EYS: variants seen among roughly 807,000 people sequenced by gnomAD.
EYS encodes the protein EGF-like photoreceptor maintenance factor.
A neutral mutation model predicts 282.1 loss-of-function variants in EYS; 250 were observed. That is an observed-to-expected ratio of 0.89 (90% CI 0.80 to 0.98). The LOEUF is 0.98. Ranked by LOEUF, EYS falls within the 50% of genes least tolerant of loss-of-function variation. EYS has a pLI of 0.00. For synonymous variants in EYS, 1,355 were observed against 1,282.9 expected (o/e 1.06, Z -1.20); for missense variants, 4,016 against 3,709.0 (o/e 1.08, Z -2.15).
intron 41 of EYS, among the ~76,000 whole-genome samples, chr6:63,756,954 A>AACTGT (rs1310241140): frequency 4.6e-5 from 7 of 152,236 alleles, no homozygotes; most frequent in African/African-American, 1.7e-4. Context: ...TATTGTGTTA[A>AACTGT]ACTGTACAAA....
chr6:64,105,473 G>A (rs1000042443), intron 31 of EYS, among the ~76,000 whole-genome samples: 1 of 151,948 alleles, frequency 6.6e-6, no homozygotes, highest in African/African-American at 2.4e-5. Flanking sequence ...AGTTTACGTT[G>A]GAGTTCACTC....
intron 35 of EYS, among the ~76,000 whole-genome samples, chr6:63,975,148 G>A (rs1010440230): frequency 6.6e-6 from 1 of 151,696 alleles, no homozygotes; most frequent in African/African-American, 2.4e-5. Flanking sequence ...GTGAAACCTA[G>A]GCTGTTTTAA....
At chr6:65,080,629 A>G (rs1033232612) in intron 12 of EYS, among the ~76,000 whole-genome samples, 1 of 152,038 alleles carries the variant, frequency 6.6e-6, no homozygotes, top group Non-Finnish European at 1.5e-5. Flanking sequence ...GCAATTTTGA[A>G]TTGATTTGTT....
intron 35 of EYS, among the ~76,000 whole-genome samples, chr6:63,902,196 T>C (rs1198256400): frequency 6.6e-6 from 1 of 152,094 alleles, no homozygotes; most frequent in African/African-American, 2.4e-5. Flanking sequence ...GCCTAGCCCT[T>C]GGATTTTTAG....
chr6:63,996,406 A>G (rs1767837276), intron 34 of EYS, among the ~76,000 whole-genome samples: 1 of 152,112 alleles, frequency 6.6e-6, no homozygotes, highest in Admixed American at 6.5e-5. Context: ...TATATAATTA[A>G]CAGTAATTAG....
chr6:65,628,922 A>C (rs1766815821), intron 2 of EYS, among the ~76,000 whole-genome samples: 1 of 152,256 alleles, frequency 6.6e-6, no homozygotes, highest in African/African-American at 2.4e-5. Flanking sequence ...TCATGCAAAA[A>C]TATGATGGCA....
chr6:65,233,287 G>T (rs1766837049), intron 12 of EYS, among the ~76,000 whole-genome samples: 1 of 152,000 alleles, frequency 6.6e-6, no homozygotes, highest in African/African-American at 2.4e-5. Flanking sequence ...GTAATATGTT[G>T]TAGCACCTAT....
intron 41 of EYS, among the ~76,000 whole-genome samples, chr6:63,737,131 A>G (rs1445922568): frequency 2.6e-5 from 4 of 151,444 alleles, no homozygotes; most frequent in African/African-American, 7.3e-5. Flanking sequence ...TATGTTGAAT[A>G]GGAGTGGTGA....
chr6:63,786,238 AAAAT>A (rs1770358166), intron 39 of EYS: 2 of 151,910 alleles, frequency 1.3e-5, no homozygotes, highest in East Asian at 1.9e-4. Context: ...AAGTAAAATA[AAAAT>A]AAAGAGTTTA....
intron 37 of EYS, among the ~76,000 whole-genome samples, chr6:63,795,138 A>G (rs2149673804): frequency 6.6e-6 from 1 of 152,350 alleles, no homozygotes; most frequent in Middle Eastern, 3.4e-3. Context: ...AGCACCATTA[A>G]GCAGTGAGTT....
At chr6:65,369,133 T>C (rs908206633) in intron 8 of EYS, among the ~76,000 whole-genome samples, 1 of 150,216 alleles carries the variant, frequency 6.7e-6, no homozygotes, top group Non-Finnish European at 1.5e-5. Context: ...ACTAATAATA[T>C]ACATAGAGGA....
At chr6:64,244,881 G>A (rs905948253) in intron 30 of EYS, among the ~76,000 whole-genome samples, 1 of 152,092 alleles carries the variant, frequency 6.6e-6, no homozygotes, top group Admixed American at 6.5e-5. Context: ...ACAACGTGCA[G>A]GTTTATTACA....
chr6:64,524,936 C>T, intron 26 of EYS, among the ~76,000 whole-genome samples: 1 of 151,616 alleles, frequency 6.6e-6, no homozygotes, highest in South Asian at 2.1e-4. Context: ...AACTCAATAC[C>T]CCCAATTATT....
chr6:63,721,089 G>A lies in EYS; in HGVS notation c.8942C>T (p.Thr2981Ile). Reference sequence around the variant, plus strand: ...AGTGGTACTGAAATTTAAGGATATAGTAGTGAACTGGAGGTTTCTCATTCT... The same window carrying A: ...AGTGGTACTGAAATTTAAGGATATAATAGTGAACTGGAGGTTTCTCATTCT... The part of the protein sequence containing the change: ...NYRMRNLQFT[T>I]ISLNFSTTKT... The change falls in exon 43 of 43, where the codon ACT becomes ATT. Residue 2981 changes from threonine to isoleucine, a missense_variant. Transcript: ENST00000503581. The A allele has an allele frequency of 6.4e-7, 1 of 1,551,254 alleles. No individual in the cohort carries two copies. Among genetic ancestry groups the A allele is most frequent in the Non-Finnish European group, 8.7e-7 (1 of 1,146,714 alleles).
chr6:64,318,541 A>C (rs1770070392), intron 29 of EYS, among the ~76,000 whole-genome samples: 1 of 152,062 alleles, frequency 6.6e-6, no homozygotes, highest in Non-Finnish European at 1.5e-5. Context: ...ATTTGATGCT[A>C]TGAAAATACA....
At chr6:65,433,996 C>G (rs951509231) in intron 5 of EYS, among the ~76,000 whole-genome samples, 10 of 152,174 alleles carry the variant, frequency 6.6e-5, no homozygotes, top group African/African-American at 1.9e-4. Flanking sequence ...ACAGCTCTTC[C>G]TAAGCATCAC....
intron 30 of EYS, among the ~76,000 whole-genome samples, chr6:64,266,586 A>G (rs1452549732): frequency 1.3e-5 from 2 of 152,136 alleles, no homozygotes; most frequent in Non-Finnish European, 2.9e-5. Flanking sequence ...AACAACAACA[A>G]CAAAAAAGAC....
At chr6:64,619,101 G>A (rs1239786159) in intron 23 of EYS, among the ~76,000 whole-genome samples, 1 of 152,130 alleles carries the variant, frequency 6.6e-6, no homozygotes, top group Non-Finnish European at 1.5e-5. Context: ...GGATGTCCCT[G>A]GAGGGATATA....
intron 2 of EYS, among the ~76,000 whole-genome samples, chr6:65,584,721 G>A (rs534400423): frequency 4.6e-5 from 7 of 151,590 alleles, no homozygotes; most frequent in South Asian, 2.1e-4. Flanking sequence ...AACATCTTAC[G>A]TTGCTATATA....
Sources: gnomAD v4.1 joint callset for allele counts (sites outside exome capture counted in the v4.1 genomes callset) on GRCh38, gnomAD v4.1.1 for gene constraint, MANE v1.5 for transcripts, NCBI Gene and HGNC (gene_info 2026-07-23, HGNC 2026-07-21) for gene names.